The following DRD3 variants were observed in gnomAD, a reference collection of about 807,000 sequenced individuals.
The protein encoded by DRD3 is D(3) dopamine receptor.
A neutral mutation model predicts 36.3 loss-of-function variants in DRD3; 19 were observed. That is an observed-to-expected ratio of 0.52 (90% CI 0.36 to 0.77). The LOEUF (loss-of-function observed/expected upper bound fraction) is 0.77. Ranked by LOEUF, DRD3 falls within the 30% of genes least tolerant of loss-of-function variation. DRD3 has a pLI of 0.00. For synonymous variants in DRD3, 195 were observed against 203.7 expected, an observed-to-expected ratio of 0.96 and a Z score of 0.36; for missense variants, 465 against 505.3, an observed-to-expected ratio of 0.92 and a Z score of 0.77.
chr3:114,177,051 C>T (rs1185673549), intron 1 of DRD3, among the ~76,000 whole-genome samples: 1 of 152,102 alleles, frequency 6.6e-6, no homozygotes, highest in African/African-American at 2.4e-5. Context: ...AACTATGCCA[C>T]TTAACTATGC....
chr3:114,159,954 A>G, intron 2 of DRD3, 87 bp from the exon 3 acceptor site: 1 of 1,152,378 alleles, frequency 8.7e-7, no homozygotes, highest in South Asian at 1.3e-5. Flanking sequence ...TTTGCTGCCT[A>G]GTGTAGATGT....
chr3:114,194,520 T>C (rs538174180), intron 1 of DRD3, among the ~76,000 whole-genome samples: 8 of 152,294 alleles, frequency 5.3e-5, no homozygotes, highest in Middle Eastern at 3.4e-3. Context: ...TGACCTCAAG[T>C]AGTCCACCCA....
chr3:114,131,427 G>C, intron 5 of DRD3, 27 bp from the exon 6 acceptor site: 1 of 1,596,964 alleles, frequency 6.3e-7, no homozygotes, highest in Non-Finnish European at 8.5e-7. Flanking sequence ...AGGGAATCTT[G>C]ACATTTCTGG....
intron 3 of DRD3, among the ~76,000 whole-genome samples, chr3:114,148,476 G>A (rs2077588690): frequency 6.6e-6 from 1 of 151,930 alleles, no homozygotes; most frequent in Admixed American, 6.6e-5. Flanking sequence ...TACTATTATT[G>A]GACATCTTTG....
chr3:114,152,385 T>C (rs1324601606), intron 3 of DRD3, among the ~76,000 whole-genome samples: 3 of 152,244 alleles, frequency 2.0e-5, no homozygotes, highest in Non-Finnish European at 4.4e-5. Context: ...GTGCATCTTA[T>C]GATTAGACAG....
In DRD3 at chr3:114,171,755, T is replaced by C; in HGVS notation, c.238A>G (p.Thr80Ala). The C allele has an allele frequency of 3.7e-6, 6 of 1,611,518 alleles. No homozygotes were observed. The highest frequency in any genetic ancestry group is 4.2e-6 in the Non-Finnish European group (5 of 1,178,694). Reference sequence around the variant, plus strand: ...TATACCACCCAGGGCATCACCAAGGTGGCCACCAGCAAGTCTGCCACAGCC... The same window carrying C: ...TATACCACCCAGGGCATCACCAAGGCGGCCACCAGCAAGTCTGCCACAGCC... The part of the protein sequence containing the change: ...SLAVADLLVA[T>A]LVMPWVVYLE... The change falls in exon 2 of 7, where the codon ACC (threonine) becomes GCC (alanine). Residue 80 changes from threonine to alanine, a missense_variant. Transcript: ENST00000383673.
chr3:114,192,117 A>G (rs1439479873), intron 1 of DRD3, among the ~76,000 whole-genome samples: 1 of 151,854 alleles, frequency 6.6e-6, no homozygotes, highest in African/African-American at 2.4e-5. Flanking sequence ...ACTATTATAG[A>G]AGCAGACTAT....
chr3:114,152,261 G>A (rs1012570713), intron 3 of DRD3, among the ~76,000 whole-genome samples: 1 of 151,950 alleles, frequency 6.6e-6, no homozygotes, highest in East Asian at 1.9e-4. Flanking sequence ...CCCCTCCTTG[G>A]GGATTCTTCC....
chr3:114,153,572 A>G (rs115496602), intron 3 of DRD3, among the ~76,000 whole-genome samples: 1,664 of 152,270 alleles, frequency 0.011, 31 homozygotes, highest in African/African-American at 0.037. Context: ...TCCACTAAAC[A>G]GATAAGAGAA....
rs1036572865 is a variant in DRD3 at position 114,131,277 on chromosome 3, G to T, written c.847C>A (p.Arg283=). ...GGELKREEKT[R]NSLSPTIAPK... is the part of the protein sequence containing the mutation. ...GCTATGGTGGGACTCAGGGAATTCC[G>T]AGTCTTCTCCTCTCTTTTCAACTCT... Residue 283 remains arginine (R), a synonymous_variant, in exon 6 of 7, where the codon CGG becomes AGG. Coordinates refer to ENST00000383673, the MANE Select transcript of DRD3 (RefSeq NM_000796.6). 4 of 1,614,052 alleles carry T rather than the reference G, an allele frequency of 2.5e-6. No homozygotes were observed. Among genetic ancestry groups the T allele is most frequent in the Non-Finnish European group, 3.4e-6 (4 of 1,180,042 alleles).
intron 1 of DRD3, among the ~76,000 whole-genome samples, chr3:114,187,440 C>T (rs1195997875): frequency 2.0e-5 from 3 of 152,194 alleles, no homozygotes; most frequent in Non-Finnish European, 4.4e-5. Flanking sequence ...GTTCAGTTCT[C>T]CCCAGCAGAC....
At chr3:114,142,263 A>G (rs939786965) in intron 4 of DRD3, among the ~76,000 whole-genome samples, 6 of 152,076 alleles carry the variant, frequency 3.9e-5, no homozygotes, top group African/African-American at 9.7e-5. Flanking sequence ...GCATCTGACT[A>G]TGGTTTTAAA....
At chr3:114,188,492 G>A (rs1347279602) in intron 1 of DRD3, among the ~76,000 whole-genome samples, 1 of 152,158 alleles carries the variant, frequency 6.6e-6, no homozygotes, top group African/African-American at 2.4e-5. Context: ...GATTACAGGC[G>A]TGAGCCACCA....
Position 114,131,370 on chromosome 3 carries a change from G to C in DRD3, c.754C>G (p.Leu252Val), listed in dbSNP as rs1181229994. 6.2e-7 allele frequency: 1 copy of C among 1,614,132 alleles called. No individual in the cohort carries two copies. The highest frequency in any genetic ancestry group is 1.3e-5 in the African/African-American group (1 of 75,044). ...TGGCAGATGCTGTAGTAACGCTTCA[G>C]CTCCAGATGTGCCGGGTCAGGAGAG... ...TLSPDPAHLELKRYYSICQDT... is the reference protein window; with the variant it reads ...TLSPDPAHLEVKRYYSICQDT... The change falls in exon 6 of 7, where the codon CTG becomes GTG. Residue 252 changes from leucine (L) to valine (V), a missense_variant. Leu to Val is a conservative substitution (Grantham distance 32, BLOSUM62 1). Coordinates refer to ENST00000383673, the MANE Select transcript of DRD3 (RefSeq NM_000796.6).
chr3:114,192,645 C>T (rs2078016732), intron 1 of DRD3, among the ~76,000 whole-genome samples: 1 of 152,164 alleles, frequency 6.6e-6, no homozygotes, highest in Non-Finnish European at 1.5e-5. Context: ...TCCCAGATGA[C>T]TATTTTATGA....
chr3:114,169,194 CT>C lies in DRD3; in HGVS notation c.270+2528del, dbSNP rs2077815547. On this transcript the variant is annotated intron_variant, in intron 2 of 6. Transcript: ENST00000383673. ...CCATATTTTAAGGGCTCAAAGTGCT[CT>C]TTTCTTTCATTAAGGTGCCTCATTT... Among the ~76,000 whole-genome samples the C allele has an allele frequency of 8.6e-5, 13 of 151,654 alleles. No individual in the cohort carries two copies. In the South Asian group the frequency reaches 2.5e-3, roughly 29 times the overall value.
At chr3:114,139,162 T>C (rs1356482351) in intron 5 of DRD3, among the ~76,000 whole-genome samples, 3 of 152,184 alleles carry the variant, frequency 2.0e-5, no homozygotes, top group African/African-American at 7.2e-5. Flanking sequence ...CCACCAGCAG[T>C]GCAAGGTACA....
chr3:114,142,669 G>C (rs140106430), intron 4 of DRD3, among the ~76,000 whole-genome samples: 1 of 152,244 alleles, frequency 6.6e-6, no homozygotes, highest in Non-Finnish European at 1.5e-5. Flanking sequence ...CTACATATAA[G>C]TATGTATGTA....
At chr3:114,180,279 A>C (rs75811952), upstream of DRD3, among the ~76,000 whole-genome samples, 10,312 of 152,236 alleles carry the variant, frequency 0.068, 397 homozygotes, top group South Asian at 0.11. Flanking sequence ...TCATGATGCC[A>C]TCTTTATAGA....
Sources: allele counts gnomAD v4.1 joint callset (sites outside exome capture counted in the v4.1 genomes callset), GRCh38; gene constraint gnomAD v4.1.1; transcripts MANE v1.5; gene names NCBI Gene and HGNC (gene_info 2026-07-23, HGNC 2026-07-21).